Variants in POT1 observed in about 807,000 individuals in gnomAD.
POT1 encodes protection of telomeres protein 1.
In POT1, 47 loss-of-function variants were observed where a neutral mutation model predicts 78.5. The ratio of observed to expected loss-of-function variants is 0.60; its 90% CI spans 0.47 to 0.76. The LOEUF (loss-of-function observed/expected upper bound fraction) is 0.76. POT1 is among the 30% of genes least tolerant of loss of function. The probability of loss-of-function intolerance (pLI) is 0.00; values close to 1 mark genes in which losing one functional copy is unlikely to be tolerated. For synonymous variants in POT1, 259 were observed against 260.7 expected (o/e 0.99, Z 0.06); for missense variants, 646 against 749.9 (o/e 0.86, Z 1.62).
At chr7:124,897,077 G>T in intron 5 of POT1, 88 bp downstream of exon 5, 1 of 728,580 alleles carries the variant, frequency 1.4e-6, no homozygotes, top group Non-Finnish European at 2.1e-6. Context: ...ACTACAAAGT[G>T]GACTGAATAT....
chr7:124,899,240 T>C (rs1796562773), intron 3 of POT1, among the ~76,000 whole-genome samples: 1 of 152,204 alleles, frequency 6.6e-6, no homozygotes, highest in Non-Finnish European at 1.5e-5. Context: ...GCTCTGTATT[T>C]ACAGGACTTG....
At chr7:124,918,688 G>T (rs1797075317) in intron 2 of POT1, among the ~76,000 whole-genome samples, 1 of 152,134 alleles carries the variant, frequency 6.6e-6, no homozygotes, top group Non-Finnish European at 1.5e-5. Flanking sequence ...CTTCCAGAGA[G>T]ACTGATGTCC....
chr7:124,842,122 T>C (rs1356312805), intron 13 of POT1, among the ~76,000 whole-genome samples: 1 of 152,002 alleles, frequency 6.6e-6, no homozygotes, highest in Non-Finnish European at 1.5e-5. Context: ...GAAGACTCAA[T>C]TTAGGGCATC....
At chr7:124,908,676 G>T (rs1384431050) in intron 3 of POT1, among the ~76,000 whole-genome samples, 1 of 151,724 alleles carries the variant, frequency 6.6e-6, no homozygotes, top group Non-Finnish European at 1.5e-5. Context: ...TTCTCCAGGG[G>T]ACACTATGCT....
intron 9 of POT1, among the ~76,000 whole-genome samples, chr7:124,855,520 T>C (rs1795426334): frequency 6.6e-6 from 1 of 151,854 alleles, no homozygotes; most frequent in Admixed American, 6.6e-5. Context: ...TACTATGAAA[T>C]GTGCCAGATG....
In POT1 at chr7:124,853,006, G is replaced by A. The variant is rs2116504463; in HGVS notation, c.835C>T (p.Pro279Ser). 6.2e-7 allele frequency: 1 copy of A among 1,613,120 alleles called. No homozygotes were observed. The highest frequency in any genetic ancestry group is 8.5e-7 in the Non-Finnish European group (1 of 1,179,420). Residue 279 changes from proline (P) to serine (S), a missense_variant, in exon 10 of 19, where the codon CCA becomes TCA. Pro to Ser is a moderately conservative substitution (Grantham distance 74). Coordinates refer to ENST00000357628, the MANE Select transcript of POT1 (RefSeq NM_015450.3). The stretch of plus-strand genomic sequence containing the variant: ...TGATCCACATCAGAGTTACTTTCTG[G>A]CAAGACCCTGATTCCCCGACCGTAA... ...TSYGRGIRVL[P>S]ESNSDVDQLK...
chr7:124,851,885 G>C lies in POT1; in HGVS notation c.936C>G (p.Asp312Glu), dbSNP rs35051558. The C allele has an allele frequency of 1.2e-6, 2 of 1,607,800 alleles. No individual in the cohort carries two copies. The highest frequency in any genetic ancestry group is 2.2e-5 in the South Asian group (2 of 90,898). ...GATTATCCTTACTTGGAAAGCTGTC[G>C]TCAGGTTCTGATTGACAGATAACAT... ...HSDVICQSEP[D>E]DSFPSSGSVS... Residue 312 changes from aspartate (D) to glutamate (E), a missense_variant, in exon 11 of 19, where the codon GAC (aspartate) becomes GAG (glutamate). Transcript: ENST00000357628.
rs756237725 is a variant in POT1, at chr7:124,825,322, C to T, written c.1722G>A (p.Leu574=). The T allele has an allele frequency of 3.1e-6, 5 of 1,610,200 alleles. No individual in the cohort carries two copies. In the African/African-American group the frequency reaches 6.7e-5, roughly 22 times the overall value. ...CACTTTTCTGAAGGTCATCATCCATCAGAACTTCTGATGCTGGAATCTGGA... is the reference window on the plus strand; with the variant it reads ...CACTTTTCTGAAGGTCATCATCCATTAGAACTTCTGATGCTGGAATCTGGA... The part of the protein sequence containing the change: ...KFFQIPASEV[L]MDDDLQKSVD... Residue 574 remains leucine (L), a synonymous_variant, in exon 18 of 19, where the codon CTG becomes CTA. Transcript: ENST00000357628.
In POT1 at chr7:124,897,393, TA is replaced by T. The variant is rs11329934; in HGVS notation, c.-39-182del. Among the ~76,000 whole-genome samples the T allele has an allele frequency of 0.61, 90,875 of 150,106 alleles. 27,476 individuals carry two copies. Among genetic ancestry groups the T allele is most frequent in the African/African-American group, 0.65 (26,830 of 41,066 alleles). On this transcript the variant is annotated intron_variant, in intron 4 of 18. Coordinates refer to ENST00000357628, the MANE Select transcript of POT1 (RefSeq NM_015450.3). The stretch of plus-strand genomic sequence containing the variant: ...CAAAGTTGTCTAAGCTACAGAAACT[TA>T]AAAAAAAAAGGCAAAGATATAAGGT...
intron 2 of POT1, among the ~76,000 whole-genome samples, chr7:124,919,726 C>T (rs1014907913): frequency 6.6e-6 from 1 of 152,160 alleles, no homozygotes; most frequent in African/African-American, 2.4e-5. Flanking sequence ...TACTGATCTT[C>T]TAGCCTTCAG....
intron 2 of POT1, among the ~76,000 whole-genome samples, chr7:124,922,139 C>T (rs1797167556): frequency 6.6e-6 from 1 of 151,910 alleles, no homozygotes; most frequent in African/African-American, 2.4e-5. Flanking sequence ...ACACAGAATT[C>T]TATATCCAAT....
At chr7:124,929,328 T>C (rs2291207) in intron 1 of POT1, 46,687 of 151,936 alleles carry the variant, frequency 0.31, 7,257 homozygotes, top group South Asian at 0.4. Context: ...AATCGTGTTT[T>C]TTTTTAACCC....
chr7:124,914,694 G>A (rs1437401869), intron 3 of POT1, among the ~76,000 whole-genome samples: 7 of 152,142 alleles, frequency 4.6e-5, no homozygotes, highest in Non-Finnish European at 1.0e-4. Context: ...TAGATAGCAT[G>A]GACATTGCAT....
intron 3 of POT1, among the ~76,000 whole-genome samples, chr7:124,903,720 A>C (rs1406245837): frequency 6.6e-6 from 1 of 152,226 alleles, no homozygotes; most frequent in Non-Finnish European, 1.5e-5. Context: ...CCTTCAAAAA[A>C]TCAATGAATC....
intron 2 of POT1, among the ~76,000 whole-genome samples, chr7:124,919,657 G>A (rs1276676616): frequency 1.3e-5 from 2 of 152,142 alleles, no homozygotes; most frequent in African/African-American, 4.8e-5. Flanking sequence ...GCGAGAAGGT[G>A]AGCATCTGCA....
chr7:124,920,838 T>C (rs531554477), intron 2 of POT1, among the ~76,000 whole-genome samples: 241 of 152,226 alleles, frequency 1.6e-3, no homozygotes, highest in Non-Finnish European at 2.4e-4. Context: ...ATGCCTGTAA[T>C]CCCAGCACTT....
intron 11 of POT1, among the ~76,000 whole-genome samples, chr7:124,849,675 A>G (rs981056190): frequency 6.6e-6 from 1 of 152,176 alleles, no homozygotes; most frequent in African/African-American, 2.4e-5. Flanking sequence ...AAGGATGTTT[A>G]TTAAAGTATT....
At chr7:124,889,641 T>A (rs1472494741) in intron 6 of POT1, among the ~76,000 whole-genome samples, 1 of 152,006 alleles carries the variant, frequency 6.6e-6, no homozygotes, top group Admixed American at 6.6e-5. Flanking sequence ...ATGCAGTTGA[T>A]GACTTTCAGT....
At chr7:124,831,858 A>G (rs1794765959) in intron 15 of POT1, among the ~76,000 whole-genome samples, 1 of 152,110 alleles carries the variant, frequency 6.6e-6, no homozygotes, top group African/African-American at 2.4e-5. Context: ...AAGAGTTCAC[A>G]CATATAATGA....
Sources: gnomAD v4.1 joint callset for allele counts (sites outside exome capture counted in the v4.1 genomes callset) on GRCh38, gnomAD v4.1.1 for gene constraint, MANE v1.5 for transcripts, NCBI Gene and HGNC (gene_info 2026-07-23, HGNC 2026-07-21) for gene names.